The following CENPC variants were observed in gnomAD, a reference collection of about 807,000 sequenced individuals.
CENPC encodes the protein centromere protein C.
A neutral mutation model predicts 112.1 loss-of-function variants in CENPC; 63 were observed. That is an observed-to-expected ratio of 0.56 (90% CI 0.46 to 0.69). CENPC has a LOEUF of 0.69. CENPC is among the 30% of genes least tolerant of loss of function. The pLI, the probability that CENPC is intolerant of heterozygous loss-of-function variation, is 0.00. For synonymous variants in CENPC, 333 were observed against 367.6 expected, an observed-to-expected ratio of 0.91 and a Z score of 1.08; for missense variants, 1,000 against 1,103.8, an observed-to-expected ratio of 0.91 and a Z score of 1.33.
intron 12 of CENPC, among the ~76,000 whole-genome samples, chr4:67,498,065 T>C (rs1235045246): frequency 6.6e-6 from 1 of 151,748 alleles, no homozygotes; most frequent in East Asian, 2.0e-4. Flanking sequence ...ACCCCATCTC[T>C]ACTAAAAATT....
chr4:67,505,046 A>T, intron 12 of CENPC, 159 bp downstream of exon 12: 1 of 585,166 alleles, frequency 1.7e-6, no homozygotes, highest in South Asian at 2.3e-5. Flanking sequence ...TTTCTGTCTC[A>T]CTTAGGTACA....
At chr4:67,478,192 C>T (rs1203902542) in intron 17 of CENPC, among the ~76,000 whole-genome samples, 3 of 152,092 alleles carry the variant, frequency 2.0e-5, no homozygotes. Flanking sequence ...ACAAGAAGTT[C>T]AAAGAGCACC....
chr4:67,542,106 AT>A (rs1726904708), intron 2 of CENPC, among the ~76,000 whole-genome samples: 1 of 152,166 alleles, frequency 6.6e-6, no homozygotes, highest in Admixed American at 6.5e-5. Context: ...GAACATCTGG[AT>A]TTCAATCAGT....
intron 2 of CENPC, among the ~76,000 whole-genome samples, chr4:67,542,287 C>T (rs1177634793): frequency 6.6e-6 from 1 of 152,130 alleles, no homozygotes; most frequent in Non-Finnish European, 1.5e-5. Flanking sequence ...TGGCTGTGTT[C>T]CAATAAAATT....
intron 5 of CENPC, among the ~76,000 whole-genome samples, chr4:67,530,099 A>G (rs997021124): frequency 6.6e-6 from 1 of 152,132 alleles, no homozygotes; most frequent in African/African-American, 2.4e-5. Context: ...ACTTAATTTT[A>G]TTTTTTAAAA....
At chr4:67,534,852 T>C (rs904509668) in intron 4 of CENPC, among the ~76,000 whole-genome samples, 1 of 152,010 alleles carries the variant, frequency 6.6e-6, no homozygotes, top group Non-Finnish European at 1.5e-5. Context: ...ACTGGACATA[T>C]GAAAAAGGCG....
intron 4 of CENPC, among the ~76,000 whole-genome samples, chr4:67,535,481 A>C (rs355488): frequency 6.6e-6 from 1 of 151,762 alleles, no homozygotes; most frequent in Non-Finnish European, 1.5e-5. Flanking sequence ...AAAATGATAA[A>C]TTAATGTGTC....
intron 4 of CENPC, among the ~76,000 whole-genome samples, chr4:67,532,131 C>T (rs1050200484): frequency 1.2e-4 from 18 of 152,220 alleles, no homozygotes; most frequent in South Asian, 6.2e-4. Context: ...ATGCAGCCAA[C>T]GGACACATGA....
chr4:67,493,821 A>C, intron 14 of CENPC, 63 bp downstream of exon 14: 1 of 934,770 alleles, frequency 1.1e-6, no homozygotes, highest in East Asian at 2.6e-5. Flanking sequence ...CATGTAGTGC[A>C]GTGTCTGGCA....
intron 18 of CENPC, among the ~76,000 whole-genome samples, chr4:67,473,706 C>T (rs151185183): frequency 5.9e-4 from 90 of 152,144 alleles, no homozygotes; most frequent in African/African-American, 2.0e-3. Flanking sequence ...TGTGTATCAC[C>T]GTGCCTGGTT....
At chr4:67,529,624 C>T (rs565550105) in intron 5 of CENPC, among the ~76,000 whole-genome samples, 186 of 152,226 alleles carry the variant, frequency 1.2e-3, no homozygotes, top group African/African-American at 4.4e-3. Context: ...CCACTCCTGG[C>T]TCCAGATTAA....
intron 17 of CENPC, among the ~76,000 whole-genome samples, chr4:67,480,749 T>A (rs1724934456): frequency 6.6e-6 from 1 of 152,196 alleles, no homozygotes; most frequent in African/African-American, 2.4e-5. Flanking sequence ...CCGGCATTGC[T>A]TTATGATTAA....
chr4:67,491,201 C>G (rs1293408395), intron 16 of CENPC, among the ~76,000 whole-genome samples: 17 of 149,570 alleles, frequency 1.1e-4, no homozygotes, highest in Admixed American at 1.1e-3. Flanking sequence ...GAGACAGGGT[C>G]TGGCTCTGCA....
chr4:67,518,219 C>T lies in CENPC; in HGVS notation c.767G>A (p.Arg256Gln), dbSNP rs201103062. The T allele has an allele frequency of 4.7e-4, 732 of 1,556,950 alleles. 5 individuals carry two copies. In the Middle Eastern group the frequency reaches 5.1e-3, roughly 11 times the overall value. ...RIRDSEYEIQ[R>Q]QAKKSFSTLF... ...TGTTGAAAAACTTTTTTTAGCTTGT[C>T]GTTGAATTTCATATTCTGAATCTCG... is the stretch of plus-strand genomic sequence containing the variant. Residue 256 changes from arginine to glutamine, a missense_variant, in exon 7 of 19, where the codon CGA becomes CAA. Arg to Gln is a conservative substitution (Grantham distance 43). Coordinates refer to ENST00000273853, the MANE Select transcript of CENPC (RefSeq NM_001812.4).
chr4:67,476,332 G>GT (rs1346377757), intron 17 of CENPC, among the ~76,000 whole-genome samples: 2 of 152,200 alleles, frequency 1.3e-5, no homozygotes, highest in Admixed American at 6.5e-5. Context: ...CTGAACAACC[G>GT]TGAGTGCCCA....
At chr4:67,510,005 C>CA (rs1725850935) in intron 9 of CENPC, among the ~76,000 whole-genome samples, 1 of 151,800 alleles carries the variant, frequency 6.6e-6, no homozygotes, top group African/African-American at 2.4e-5. Flanking sequence ...ACAAACAAAC[C>CA]AAAAAAAGCC....
chr4:67,543,462 C>T (rs1726943283), intron 2 of CENPC, among the ~76,000 whole-genome samples: 1 of 152,088 alleles, frequency 6.6e-6, no homozygotes. Flanking sequence ...AAGTTAATGC[C>T]TAATTATATA....
intron 12 of CENPC, among the ~76,000 whole-genome samples, chr4:67,504,695 G>A (rs1725686960): frequency 6.6e-6 from 1 of 151,986 alleles, no homozygotes; most frequent in Non-Finnish European, 1.5e-5. Context: ...GGTGGCAGGT[G>A]CCTGTAATCC....
chr4:67,470,265 T>C lies in CENPC; in HGVS notation c.*2340A>G, dbSNP rs1724619692. Reference sequence around the variant, plus strand: ...TTGCTGAACCATATGGGCTTTCAGTTTAGACAAAGAAAGGCTACACTTAAG... The same window carrying C: ...TTGCTGAACCATATGGGCTTTCAGTCTAGACAAAGAAAGGCTACACTTAAG... On this transcript the variant is annotated 3_prime_UTR_variant, in exon 19 of 19. Transcript: ENST00000273853. The C allele has an allele frequency of 6.6e-6, 1 of 152,080 alleles. No homozygotes were observed. The highest frequency in any genetic ancestry group is 2.4e-5 in the African/African-American group (1 of 41,350). The allele number at this position is 152,080 out of a possible 1,614,324, so 9.4% of individuals were successfully genotyped here. A position where few individuals can be genotyped will look rare whatever the true frequency, so the allele number is the denominator to read the frequency against.
Sources: gnomAD v4.1 joint callset for allele counts (sites outside exome capture counted in the v4.1 genomes callset) on GRCh38, gnomAD v4.1.1 for gene constraint, MANE v1.5 for transcripts, NCBI Gene and HGNC (gene_info 2026-07-23, HGNC 2026-07-21) for gene names.